Variants in MAS1 observed in about 807,000 individuals in gnomAD.
MAS1 encodes proto-oncogene Mas.
For synonymous variants in MAS1, 163 were observed against 164.2 expected (o/e 0.99, Z 0.05); for missense variants, 387 against 409.7 (o/e 0.94, Z 0.48).
At position 159,906,970 on chromosome 6, in the gene MAS1, C is replaced by A; in HGVS notation, c.15C>A (p.Asn5Lys). MDGS[N>K]VTSFVVEEPT... is the part of the protein sequence containing the mutation. ...GAGGCCTCCTCATGGATGGGTCAAA[C>A]GTGACATCATTTGTTGTTGAGGAAC... Residue 5 changes from asparagine to lysine, a missense_variant, in exon 3 of 3, where the codon AAC (asparagine) becomes AAA (lysine). Coordinates refer to ENST00000674077, the MANE Select transcript of MAS1 (RefSeq NM_002377.4). The A allele has an allele frequency of 1.2e-6, 2 of 1,605,668 alleles. No homozygotes were observed. The highest frequency in any genetic ancestry group is 1.7e-4 in the Middle Eastern group (1 of 6,020).
Position 159,917,120 on chromosome 6 carries a change from C to T in MAS1, c.*9187C>T, listed in dbSNP as rs1054959875. ...GAAATGGTCTCCAGTGTGGCTGCAG[C>T]ACGTCCATTTGACAATCCTGACCTC... On this transcript the variant is annotated 3_prime_UTR_variant, in exon 3 of 3. Transcript: ENST00000674077. Among the ~76,000 whole-genome samples the T allele has an allele frequency of 2.0e-5, 3 of 152,214 alleles. No homozygotes were observed. The highest frequency in any genetic ancestry group is 4.4e-5 in the Non-Finnish European group (3 of 68,040).
In MAS1 at chr6:159,907,972, C is replaced by G; in HGVS notation, c.*39C>G. ...AGTTGTGGATAAAAATGGTGGAACA[C>G]AGGTCATTTTTAGTTTGTGCTTGGA... On this transcript the variant is annotated 3_prime_UTR_variant, in exon 3 of 3. Transcript: ENST00000674077. 1 of 1,543,594 alleles carries G rather than the reference C, an allele frequency of 6.5e-7. No homozygotes were observed. The highest frequency in any genetic ancestry group is 8.7e-7 in the Non-Finnish European group (1 of 1,147,152).
In MAS1 at chr6:159,907,030, C is replaced by G. The variant is rs375747187; in HGVS notation, c.75C>G (p.Val25=). 1 of 1,613,870 alleles carries G rather than the reference C, an allele frequency of 6.2e-7. No homozygotes were observed. The highest frequency in any genetic ancestry group is 8.5e-7 in the Non-Finnish European group (1 of 1,179,814). ...TNISTGRNAS[V]GNAHRQIPIV... ...TCTCAACTGGCAGGAACGCCTCAGT[C>G]GGGAATGCACATCGGCAAATCCCCA... The change falls in exon 3 of 3, where the codon GTC becomes GTG. Residue 25 remains valine, a synonymous_variant. Transcript: ENST00000674077.
upstream of MAS1, among the ~76,000 whole-genome samples, chr6:159,890,411 A>G (rs1047503189): frequency 6.6e-6 from 1 of 152,164 alleles, no homozygotes; most frequent in African/African-American, 2.4e-5. Flanking sequence ...GGCATGGCCA[A>G]TGGTGCAGAC....
intron 1 of MAS1, among the ~76,000 whole-genome samples, chr6:159,896,040 G>A (rs181625020): frequency 6.6e-6 from 1 of 152,352 alleles, no homozygotes; most frequent in East Asian, 1.9e-4. Flanking sequence ...TGGGCACAGA[G>A]GCTCACGCCT....
chr6:159,892,140 G>A (rs547860622), intron 1 of MAS1, among the ~76,000 whole-genome samples: 4 of 152,304 alleles, frequency 2.6e-5, no homozygotes, highest in South Asian at 2.1e-4. Context: ...CTGCTTCTGC[G>A]TACAGATGGC....
chr6:159,904,196 A>T lies in MAS1; in HGVS notation c.-36-2724A>T, dbSNP rs544081865. Reference sequence around the variant, plus strand: ...GAAATGCCTCAAGGCCCAGTCCTTGAATGTCTTCTCCTTTTTAATGGCCCG... The same window carrying T: ...GAAATGCCTCAAGGCCCAGTCCTTGTATGTCTTCTCCTTTTTAATGGCCCG... On this transcript the variant is annotated intron_variant, in intron 2 of 2. Coordinates refer to ENST00000674077, the MANE Select transcript of MAS1 (RefSeq NM_002377.4). Among the ~76,000 whole-genome samples, 7 of 151,944 alleles carry T rather than the reference A, an allele frequency of 4.6e-5. No homozygotes were observed. The South Asian group carries it at 6.2e-4, about 14-fold the overall frequency.
intron 2 of MAS1, among the ~76,000 whole-genome samples, chr6:159,900,666 T>C (rs747346906): frequency 1.3e-5 from 2 of 152,208 alleles, no homozygotes; most frequent in Non-Finnish European, 2.9e-5. Flanking sequence ...GAGTACTGTA[T>C]GTGCTTCATG....
rs140222197 is a variant in MAS1 at position 159,907,887 on chromosome 6, G to T, written c.932G>T (p.Arg311Leu). 3 of 1,609,518 alleles carry T rather than the reference G, an allele frequency of 1.9e-6. No individual in the cohort carries two copies. The highest frequency in any genetic ancestry group is 1.7e-5 in the Admixed American group (1 of 59,224). ...RAFKDEMQPRRQKDNCNTVTV... is the reference protein window; with the variant it reads ...RAFKDEMQPRLQKDNCNTVTV... ...TTCAAAGATGAAATGCAACCTCGGCGCCAGAAAGACAATTGTAATACGGTC... is the reference window on the plus strand; with the variant it reads ...TTCAAAGATGAAATGCAACCTCGGCTCCAGAAAGACAATTGTAATACGGTC... Residue 311 changes from arginine (R) to leucine (L), a missense_variant, in exon 3 of 3, where the codon CGC (arginine) becomes CTC (leucine). Arg to Leu is a moderately radical substitution (Grantham distance 102). Transcript: ENST00000674077.
intron 2 of MAS1, among the ~76,000 whole-genome samples, chr6:159,900,262 C>A (rs1320507120): frequency 6.6e-6 from 1 of 152,146 alleles, no homozygotes; most frequent in Non-Finnish European, 1.5e-5. Context: ...TTATTCTGAG[C>A]TAGACTGTTT....
At chr6:159,903,181 T>G (rs1371430984) in intron 2 of MAS1, among the ~76,000 whole-genome samples, 1 of 152,160 alleles carries the variant, frequency 6.6e-6, no homozygotes, top group South Asian at 2.1e-4. Flanking sequence ...TCCTATTTCC[T>G]GCTCACATCT....
chr6:159,906,933 G>A lies in MAS1; in HGVS notation c.-23G>A. 1 of 1,559,652 alleles carries A rather than the reference G, an allele frequency of 6.4e-7. No homozygotes were observed. The highest frequency in any genetic ancestry group is 8.7e-7 in the Non-Finnish European group (1 of 1,149,326). On this transcript the variant is annotated 5_prime_UTR_variant, in exon 3 of 3. Coordinates refer to ENST00000674077, the MANE Select transcript of MAS1 (RefSeq NM_002377.4). ...ACATATTTACAGAAAATTACCTGAA[G>A]AGTTCCAACCTGAGGCCTCCTCATG...
upstream of MAS1, among the ~76,000 whole-genome samples, chr6:159,888,995 G>A (rs1782666141): frequency 1.3e-5 from 2 of 152,156 alleles, no homozygotes; most frequent in Non-Finnish European, 2.9e-5. Context: ...GATAGTTCCT[G>A]CTTTGTTAGT....
chr6:159,897,170 G>T (rs187971070), intron 1 of MAS1, among the ~76,000 whole-genome samples: 2 of 151,890 alleles, frequency 1.3e-5, no homozygotes, highest in African/African-American at 4.9e-5. Flanking sequence ...CACCACCCCC[G>T]GCCGGAGACT....
At chr6:159,890,878 T>C (rs376493109), upstream of MAS1, among the ~76,000 whole-genome samples, 1 of 152,298 alleles carries the variant, frequency 6.6e-6, no homozygotes. Flanking sequence ...GGCGTGAAGA[T>C]TTTCACTTGA....
At chr6:159,890,567 C>T (rs568933200), upstream of MAS1, among the ~76,000 whole-genome samples, 9 of 152,324 alleles carry the variant, frequency 5.9e-5, no homozygotes, top group Admixed American at 2.0e-4. Context: ...ATGTGTCTCC[C>T]GTATGTCTCT....
chr6:159,916,380 A>G lies in MAS1; in HGVS notation c.*8447A>G, dbSNP rs1050724722. The G allele has an allele frequency of 1.3e-5, 2 of 152,148 alleles. No individual in the cohort carries two copies. The highest frequency in any genetic ancestry group is 2.9e-5 in the Non-Finnish European group (2 of 68,032). 9.4% of individuals were successfully genotyped at this position (152,148 alleles called of 1,614,324 possible). A position where few individuals can be genotyped will look rare whatever the true frequency, so the allele number is the denominator to read the frequency against. On this transcript the variant is annotated 3_prime_UTR_variant, in exon 3 of 3. Coordinates refer to ENST00000674077, the MANE Select transcript of MAS1 (RefSeq NM_002377.4). Reference sequence around the variant, plus strand: ...GGAGTTAGTGTTTAGTAGGAACTGAATTTCAGTTTGAGGAGATGAAAATGT... The same window carrying G: ...GGAGTTAGTGTTTAGTAGGAACTGAGTTTCAGTTTGAGGAGATGAAAATGT...
intron 1 of MAS1, among the ~76,000 whole-genome samples, chr6:159,892,593 G>C (rs553384767): frequency 6.6e-6 from 1 of 152,248 alleles, no homozygotes; most frequent in South Asian, 2.1e-4. Context: ...GAGAACACTT[G>C]AGCAGCATAA....
At chr6:159,891,219 A>T (rs964179297) in intron 1 of MAS1, among the ~76,000 whole-genome samples, 86 bp downstream of exon 1, 3 of 152,172 alleles carry the variant, frequency 2.0e-5, no homozygotes, top group Admixed American at 1.3e-4. Flanking sequence ...TATTTCTTGG[A>T]TAACTCTTTT....
Sources: allele counts gnomAD v4.1 joint callset (sites outside exome capture counted in the v4.1 genomes callset), GRCh38; gene constraint gnomAD v4.1.1; transcripts MANE v1.5; gene names NCBI Gene and HGNC (gene_info 2026-07-23, HGNC 2026-07-21).